The following OGFOD3 variants were observed in gnomAD, a reference collection of about 807,000 sequenced individuals.
The protein encoded by OGFOD3 is 2-oxoglutarate and iron-dependent oxygenase domain-containing protein 3.
A neutral mutation model predicts 39.8 loss-of-function variants in OGFOD3; 35 were observed. The observed-to-expected ratio is 0.88, with a 90% confidence interval of 0.67 to 1.17. OGFOD3 has a LOEUF of 1.17. Ranked by LOEUF, OGFOD3 falls within the 50% of genes most tolerant of loss-of-function variation. The probability of loss-of-function intolerance (pLI) is 0.00; values close to 1 mark genes in which losing one functional copy is unlikely to be tolerated. For synonymous variants in OGFOD3, 200 were observed against 192.0 expected, an observed-to-expected ratio of 1.04 and a Z score of -0.34; for missense variants, 438 against 454.5, an observed-to-expected ratio of 0.96 and a Z score of 0.33.
rs574602403 is a variant in OGFOD3 at position 82,415,467 on chromosome 17, C to T, written c.235G>A (p.Glu79Lys). The change falls in exon 2 of 9, where the codon GAG becomes AAG. Residue 79 changes from glutamate to lysine, a missense_variant. Glu to Lys is a moderately conservative substitution (Grantham distance 56). Transcript: ENST00000313056. This position sits in a 1 kb window ranked among gnomAD's most constrained non-coding sequence, Gnocchi z 5.3. ...GVAEVLARRG[E>K]VVAGRFIEVP... ...TCGATGAATCTCCCTGCCACGACCT[C>T]GCCACGGCGGGCCAGGACCTCTGCG... The T allele has an allele frequency of 9.9e-6, 16 of 1,614,040 alleles. No homozygotes were observed. The highest frequency in any genetic ancestry group is 1.6e-4 in the Middle Eastern group (1 of 6,062).
At chr17:82,418,244 C>T (rs2053108562) in intron 1 of OGFOD3, 168 bp downstream of exon 1, 2 of 448,212 alleles carry the variant, frequency 4.5e-6, no homozygotes, top group South Asian at 4.9e-5. Context: ...GCCCTGCTCC[C>T]AGCATGGGCT....
Position 82,390,635 on chromosome 17 carries a change from G to A in OGFOD3, c.*1763C>T. 1 of 175,680 alleles carries A rather than the reference G, an allele frequency of 5.7e-6. No individual in the cohort carries two copies. The highest frequency in any genetic ancestry group is 1.2e-5 in the Non-Finnish European group (1 of 80,976). 10.9% of individuals were successfully genotyped at this position (175,680 alleles called of 1,614,324 possible). On this transcript the variant is annotated 3_prime_UTR_variant, in exon 9 of 9. Coordinates refer to ENST00000313056, the MANE Select transcript of OGFOD3 (RefSeq NM_024648.3). The surrounding 1 kb of genome is among the most constrained non-coding windows in gnomAD (Gnocchi z 4.9). ...CGGGCAGAAGCTGTGGACCCAGGGA[G>A]CCTATCCCACGCCGTCCTCCGCATG...
At chr17:82,403,782 G>GCAC (rs2052803993) in intron 7 of OGFOD3, 155 bp downstream of exon 7, 2 of 1,003,482 alleles carry the variant, frequency 2.0e-6, no homozygotes, top group South Asian at 1.5e-5. Context: ...GCCCACGTGC[G>GCAC]TACTCACCCT....
At chr17:82,407,815 G>GC (rs1296114171) in intron 4 of OGFOD3, among the ~76,000 whole-genome samples, 1 of 152,176 alleles carries the variant, frequency 6.6e-6, no homozygotes, top group Non-Finnish European at 1.5e-5. Context: ...TTAACAAATA[G>GC]CCCCCGAACT....
rs1318271656 is a variant in OGFOD3 at position 82,390,073 on chromosome 17, A to G, written c.*2325T>C. 1 of 152,212 alleles carries G rather than the reference A, an allele frequency of 6.6e-6. No homozygotes were observed. Among genetic ancestry groups the G allele is most frequent in the Admixed American group, 6.5e-5 (1 of 15,288 alleles). 9.4% of individuals were successfully genotyped at this position (152,212 alleles called of 1,614,324 possible). On this transcript the variant is annotated 3_prime_UTR_variant, in exon 9 of 9. Transcript: ENST00000313056. This position sits in a 1 kb window ranked among gnomAD's most constrained non-coding sequence, Gnocchi z 4.9. ...TTTGCCCAAATATATTTCTTTGTCCAAGTATCTCTGTGATTATCATGAATA... is the reference window on the plus strand; with the variant it reads ...TTTGCCCAAATATATTTCTTTGTCCGAGTATCTCTGTGATTATCATGAATA...
chr17:82,411,703 T>C (rs1362875158), intron 2 of OGFOD3, 173 bp from the exon 3 acceptor site: 14 of 568,786 alleles, frequency 2.5e-5, no homozygotes, highest in Non-Finnish European at 4.0e-5. Flanking sequence ...GGAGTTCACG[T>C]CTCACTGGGC....
rs780832433 is a variant in OGFOD3 at position 82,392,604 on chromosome 17, G to A, written c.824-70C>T. The A allele has an allele frequency of 8.0e-5, 121 of 1,515,640 alleles. No homozygotes were observed. Among genetic ancestry groups the A allele is most frequent in the Non-Finnish European group, 9.1e-5 (103 of 1,126,804 alleles). 93.9% of individuals were successfully genotyped at this position (1,515,640 alleles called of 1,614,324 possible). A position where few individuals can be genotyped will look rare whatever the true frequency, so the allele number is the denominator to read the frequency against. ...CGGCCACAGCCTTCAGAGGGTCTGC[G>A]GTCACCTGAAAGAGCAACTATAACC... On this transcript the variant is annotated intron_variant, in intron 8 of 8. Coordinates refer to ENST00000313056, the MANE Select transcript of OGFOD3 (RefSeq NM_024648.3). The surrounding 1 kb of genome is among the most constrained non-coding windows in gnomAD (Gnocchi z 4.2).
chr17:82,412,224 C>G (rs1184121321), intron 2 of OGFOD3, among the ~76,000 whole-genome samples: 1 of 152,156 alleles, frequency 6.6e-6, no homozygotes, highest in Non-Finnish European at 1.5e-5. Flanking sequence ...ACCTTGGTGA[C>G]CTGCGGAGGC....
At chr17:82,413,260 G>T (rs2052981278) in intron 2 of OGFOD3, among the ~76,000 whole-genome samples, 1 of 152,212 alleles carries the variant, frequency 6.6e-6, no homozygotes, top group African/African-American at 2.4e-5. Flanking sequence ...AGAATCACTA[G>T]AGGGAAGAGA....
chr17:82,403,580 C>T (rs1567869638), intron 7 of OGFOD3, among the ~76,000 whole-genome samples: 2 of 152,022 alleles, frequency 1.3e-5, no homozygotes, highest in African/African-American at 2.4e-5. Context: ...TGCAGTGAGC[C>T]GAATCGCGCC....
intron 7 of OGFOD3, among the ~76,000 whole-genome samples, chr17:82,399,593 C>T (rs1017788681): frequency 1.3e-5 from 2 of 152,312 alleles, no homozygotes; most frequent in Middle Eastern, 3.4e-3. Context: ...CCTCCCAGGC[C>T]GAAGCTCCGT....
intron 2 of OGFOD3, among the ~76,000 whole-genome samples, chr17:82,413,915 T>C (rs1386178267): frequency 6.7e-6 from 1 of 149,470 alleles, no homozygotes; most frequent in African/African-American, 2.5e-5. Flanking sequence ...AAAAAGAAAA[T>C]ACATCAAACC....
chr17:82,408,381 A>G (rs1449792853), intron 4 of OGFOD3, among the ~76,000 whole-genome samples: 1 of 152,198 alleles, frequency 6.6e-6, no homozygotes, highest in African/African-American at 2.4e-5. Context: ...ACCGAGCAAG[A>G]AAACAACCCT....
In OGFOD3 at chr17:82,403,877, G is replaced by A. The variant is rs11655676; in HGVS notation, c.699+60C>T. 0.31 allele frequency: 485,662 copies of A among 1,549,724 alleles called. 81,776 individuals carry two copies. The highest frequency in any genetic ancestry group is 0.35 in the Non-Finnish European group (403,476 of 1,152,210). Reference sequence around the variant, plus strand: ...CCCTGCCCACGTGCGCACTCACCGTGCCCACGGGCACGCTCACCTTGTCCA... The same window carrying A: ...CCCTGCCCACGTGCGCACTCACCGTACCCACGGGCACGCTCACCTTGTCCA... On this transcript the variant is annotated intron_variant, in intron 7 of 8. Transcript: ENST00000313056.
chr17:82,407,787 C>G (rs1274416813), intron 4 of OGFOD3, among the ~76,000 whole-genome samples: 8 of 152,208 alleles, frequency 5.3e-5, no homozygotes, highest in Admixed American at 5.2e-4. Context: ...AAACAGAAAC[C>G]TACTCACTCA....
At chr17:82,413,399 C>T (rs1430305016) in intron 2 of OGFOD3, among the ~76,000 whole-genome samples, 1 of 152,194 alleles carries the variant, frequency 6.6e-6, no homozygotes, top group African/African-American at 2.4e-5. Flanking sequence ...AGTGGAGGTT[C>T]TGACGCCCCT....
rs575919939 is a variant in OGFOD3 at position 82,404,464 on chromosome 17, G to A, written c.546-374C>T. On this transcript the variant is annotated intron_variant, in intron 6 of 8. Transcript: ENST00000313056. The surrounding 1 kb of genome is among the most constrained non-coding windows in gnomAD (Gnocchi z 4.5). ...AACGAAGAGGCTGCTGTCCCCCAAC[G>A]TGAGTGTGCGGGGTGTGTGGACGTG... 3.9e-5 allele frequency among the ~76,000 whole-genome samples: 6 copies of A among 152,306 alleles called. No individual in the cohort carries two copies. Among genetic ancestry groups the A allele is most frequent in the Non-Finnish European group, 7.4e-5 (5 of 68,022 alleles).
At position 82,396,655 on chromosome 17, in the gene OGFOD3, G is replaced by T. The variant is rs376111146; in HGVS notation, c.823+1541C>A. The T allele has an allele frequency of 5.9e-5, 9 of 152,358 alleles. No homozygotes were observed. The East Asian group carries it at 1.3e-3, about 23-fold the overall frequency. The allele number at this position is 152,358 out of a possible 1,614,324, so 9.4% of individuals were successfully genotyped here. ...TAAGATCAAAATATGCTAAAAAGTTGTGTAATTTCGAGTCCCAGGAGGCTT... is the reference window on the plus strand; with the variant it reads ...TAAGATCAAAATATGCTAAAAAGTTTTGTAATTTCGAGTCCCAGGAGGCTT... On this transcript the variant is annotated intron_variant, in intron 8 of 8. Coordinates refer to ENST00000313056, the MANE Select transcript of OGFOD3 (RefSeq NM_024648.3).
In OGFOD3 at chr17:82,418,553, G is replaced by T. The variant is rs1006027450; in HGVS notation, c.-68C>A. On this transcript the variant is annotated 5_prime_UTR_variant, in exon 1 of 9. Transcript: ENST00000313056. ...GCCCGGGGACGAACGCCGTAACAGGGAGCGCGAGGCAGGCACGGCGCAGGG... is the reference window on the plus strand; with the variant it reads ...GCCCGGGGACGAACGCCGTAACAGGTAGCGCGAGGCAGGCACGGCGCAGGG... 3 of 894,144 alleles carry T rather than the reference G, an allele frequency of 3.4e-6. No homozygotes were observed. Among genetic ancestry groups the T allele is most frequent in the African/African-American group, 3.5e-5 (2 of 56,508 alleles). The allele number at this position is 894,144 out of a possible 1,614,324, so 55.4% of individuals were successfully genotyped here. A position where few individuals can be genotyped will look rare whatever the true frequency, so the allele number is the denominator to read the frequency against.
Sources: allele counts gnomAD v4.1 joint callset (sites outside exome capture counted in the v4.1 genomes callset), GRCh38; gene constraint gnomAD v4.1.1; non-coding constraint Gnocchi (gnomAD v3.1); transcripts MANE v1.5; gene names NCBI Gene and HGNC (gene_info 2026-07-23, HGNC 2026-07-21).